The following EBF2 variants were observed in gnomAD, a reference collection of about 807,000 sequenced individuals.
EBF2 encodes transcription factor COE2.
A neutral mutation model predicts 72.8 loss-of-function variants in EBF2; 21 were observed. That is an observed-to-expected ratio of 0.29 (90% confidence interval 0.20 to 0.42). The LOEUF is 0.42. Ranked by LOEUF, EBF2 falls within the 10% of genes least tolerant of loss-of-function variation. The pLI is 1.00. For synonymous variants in EBF2, 299 were observed against 274.2 expected (o/e 1.09, Z -0.89); for missense variants, 637 against 731.2 (o/e 0.87, Z 1.49).
intron 6 of EBF2, among the ~76,000 whole-genome samples, chr8:25,969,068 G>T (rs1298017707): frequency 1.3e-5 from 2 of 152,002 alleles, no homozygotes; most frequent in South Asian, 2.1e-4. Flanking sequence ...CAATCAGAAA[G>T]TCCCCTTCAA....
intron 7 of EBF2, among the ~76,000 whole-genome samples, chr8:25,892,536 C>A (rs182358073): frequency 1.3e-5 from 2 of 152,270 alleles, no homozygotes; most frequent in Admixed American, 1.3e-4. Flanking sequence ...GTCCATCCTA[C>A]CCCCACCACC....
chr8:25,947,546 A>G (rs1033271697), intron 6 of EBF2, among the ~76,000 whole-genome samples: 6 of 152,174 alleles, frequency 3.9e-5, no homozygotes, highest in Non-Finnish European at 5.9e-5. Context: ...CTCACATCCA[A>G]CACAACTGCA....
intron 7 of EBF2, among the ~76,000 whole-genome samples, chr8:25,893,133 TAGG>T (rs1802811208): frequency 6.6e-6 from 1 of 151,988 alleles, no homozygotes; most frequent in South Asian, 2.1e-4. Context: ...CCGAAAATAA[TAGG>T]AGAAGAGAGA....
intron 14 of EBF2, chr8:25,857,947 G>A (rs966643587): frequency 2.7e-6 from 1 of 364,182 alleles, no homozygotes; most frequent in Non-Finnish European, 5.3e-6. Context: ...TGAAGAAAAA[G>A]TTCTTATCGA....
chr8:26,005,972 A>C (rs1804875371), intron 6 of EBF2, among the ~76,000 whole-genome samples: 1 of 152,042 alleles, frequency 6.6e-6, no homozygotes, highest in Admixed American at 6.6e-5. Flanking sequence ...GCATGTCTCC[A>C]TTGGAACTCT....
chr8:26,043,582 C>T (rs902133330), intron 1 of EBF2, among the ~76,000 whole-genome samples: 5 of 152,212 alleles, frequency 3.3e-5, no homozygotes, highest in Non-Finnish European at 7.3e-5. Context: ...CTCCCCGGGC[C>T]ACAGGAGGGA....
rs191773783 is a variant in EBF2, at chr8:25,874,165, C to T, written c.1010-11368G>A. On this transcript the variant is annotated intron_variant, in intron 10 of 15. Transcript: ENST00000520164. ...ATGGGAATTTTTTTTTCCAGGATAA[C>T]GCTATATGGGGAAAAAAAATGCGAA... Among the ~76,000 whole-genome samples, 306 of 151,886 alleles carry T rather than the reference C, an allele frequency of 2.0e-3. 1 individual carries two copies. The highest frequency in any genetic ancestry group is 6.8e-3 in the Middle Eastern group (2 of 294).
intron 6 of EBF2, among the ~76,000 whole-genome samples, chr8:25,957,201 C>A (rs182750913): frequency 1.3e-5 from 2 of 152,154 alleles, no homozygotes; most frequent in Non-Finnish European, 2.9e-5. Context: ...CATTTCCCCC[C>A]CAAGAGCAAA....
At chr8:26,009,613 C>G (rs904189707) in intron 6 of EBF2, among the ~76,000 whole-genome samples, 2 of 152,138 alleles carry the variant, frequency 1.3e-5, no homozygotes, top group African/African-American at 2.4e-5. Context: ...AAATACCGCC[C>G]GCAAATTAAA....
At chr8:25,893,598 A>T (rs1802820198) in intron 7 of EBF2, among the ~76,000 whole-genome samples, 1 of 152,082 alleles carries the variant, frequency 6.6e-6, no homozygotes, top group Non-Finnish European at 1.5e-5. Context: ...ATTCTTAATG[A>T]GCTGTCCTAG....
At chr8:26,040,504 G>C in intron 4 of EBF2, 112 bp downstream of exon 4, 1 of 997,374 alleles carries the variant, frequency 1.0e-6, no homozygotes, top group Non-Finnish European at 1.5e-6. Flanking sequence ...GGAGGGGGCT[G>C]TGGAGTCTGA....
intron 6 of EBF2, among the ~76,000 whole-genome samples, chr8:25,923,142 A>T (rs1585196717): frequency 1.3e-5 from 2 of 152,130 alleles, no homozygotes; most frequent in African/African-American, 4.8e-5. Context: ...GGGAAGGCGC[A>T]CCGTGGAGTC....
chr8:25,929,831 G>C (rs968862123), intron 6 of EBF2, among the ~76,000 whole-genome samples: 1 of 152,044 alleles, frequency 6.6e-6, no homozygotes, highest in Non-Finnish European at 1.5e-5. Context: ...GTGGGAAAAT[G>C]GTGGAAATGG....
intron 7 of EBF2, among the ~76,000 whole-genome samples, chr8:25,890,380 G>A (rs748360460): frequency 6.6e-6 from 1 of 152,192 alleles, no homozygotes; most frequent in Non-Finnish European, 1.5e-5. Flanking sequence ...TGGCAGCGAT[G>A]CCTCGACTTT....
In EBF2 at chr8:26,040,955, C is replaced by A. The variant is rs1805590050; in HGVS notation, c.336G>T (p.Gln112His). ...AGAGCTCACCGTTGCTGTAGAGGAG[C>A]TGTAACTTGTAGTGAGTGCCGTTGT... ...KTNNGTHYKL[Q>H]LLYSNGVRTE... Residue 112 changes from glutamine to histidine, a missense_variant, in exon 3 of 16, where the codon CAG becomes CAT. This residue lies in a region of EBF2 where 174 missense variants were observed against 161.9 expected (regional missense o/e 1.07). Transcript: ENST00000520164. 1 of 1,614,120 alleles carries A rather than the reference C, an allele frequency of 6.2e-7. No homozygotes were observed. Among genetic ancestry groups the A allele is most frequent in the African/African-American group, 1.3e-5 (1 of 74,952 alleles).
intron 1 of EBF2, 130 bp from the exon 2 acceptor site, chr8:26,042,381 G>T: frequency 8.4e-7 from 1 of 1,187,436 alleles, no homozygotes; most frequent in Non-Finnish European, 1.1e-6. Context: ...AACCCTTCGG[G>T]CCTTTTTTCC....
intron 6 of EBF2, among the ~76,000 whole-genome samples, chr8:26,005,554 A>ATTT (rs1201801301): frequency 3.6e-4 from 27 of 75,554 alleles, no homozygotes; most frequent in South Asian, 7.5e-4. Flanking sequence ...ATATATATAT[A>ATTT]TATATATAGA....
chr8:25,868,153 T>C (rs962136431), intron 10 of EBF2, among the ~76,000 whole-genome samples: 9 of 152,226 alleles, frequency 5.9e-5, no homozygotes, highest in African/African-American at 2.2e-4. Flanking sequence ...AATTTTGACT[T>C]CCTTTAGCTC....
At chr8:25,849,537 C>G (rs1047583492) in intron 15 of EBF2, among the ~76,000 whole-genome samples, 8 of 152,098 alleles carry the variant, frequency 5.3e-5, no homozygotes, top group Non-Finnish European at 1.2e-4. Flanking sequence ...TAGTTTTACC[C>G]AACCCTGCTT....
Sources: gnomAD v4.1 joint callset for allele counts (sites outside exome capture counted in the v4.1 genomes callset) on GRCh38, gnomAD v4.1.1 for gene constraint, gnomAD v4.1.1 regional missense constraint, MANE v1.5 for transcripts, NCBI Gene and HGNC (gene_info 2026-07-23, HGNC 2026-07-21) for gene names.